SYNE2: variants seen among roughly 807,000 people sequenced by gnomAD.
SYNE2 encodes the protein spectrin repeat containing nuclear envelope protein 2.
A neutral mutation model predicts 856.3 loss-of-function variants in SYNE2; 431 were observed. The observed-to-expected ratio is 0.50, with a 90% CI of 0.47 to 0.55. SYNE2 has a LOEUF of 0.55. Among genes scored for constraint, SYNE2 ranks in the 20% least tolerant of loss-of-function variants. The probability of loss-of-function intolerance (pLI) is 0.00; values close to 1 mark genes in which losing one functional copy is unlikely to be tolerated. For missense variants in SYNE2, 8,129 were observed against 8,023.2 expected (o/e 1.01, Z -0.50); for synonymous variants, 2,923 against 2,872.3 (o/e 1.02, Z -0.56).
Position 64,209,081 on chromosome 14 carries a change from TTA to T in SYNE2, c.18389+138_18389+139del, listed in dbSNP as rs574662747. ...GGTATTGGCAGAGAAGGCCCAACGCTTATCAAAGGATTTATTCAAGAAAAATG... is the reference window on the plus strand; with the variant it reads ...GGTATTGGCAGAGAAGGCCCAACGCTTCAAAGGATTTATTCAAGAAAAATG... On this transcript the variant is annotated intron_variant, in intron 101 of 115. Transcript: ENST00000555002. The T allele has an allele frequency of 2.0e-4, 225 of 1,131,932 alleles. 4 individuals are homozygous for T. The South Asian group carries it at 2.9e-3, about 15-fold the overall frequency. 70.1% of individuals were successfully genotyped at this position (1,131,932 alleles called of 1,614,324 possible).
At chr14:63,922,396 G>A (rs115474084) in intron 2 of SYNE2, among the ~76,000 whole-genome samples, 2,860 of 152,296 alleles carry the variant, frequency 0.019, 89 homozygotes, top group African/African-American at 0.065. Context: ...CTACTTTATT[G>A]GTAGCCCTTA....
intron 12 of SYNE2, among the ~76,000 whole-genome samples, chr14:63,977,418 C>T (rs1386870575): frequency 1.3e-5 from 2 of 152,068 alleles, no homozygotes; most frequent in African/African-American, 4.8e-5. Flanking sequence ...TTCACCGTGT[C>T]AGCCAGGATG....
intron 20 of SYNE2, 52 bp from the exon 21 acceptor site, chr14:63,990,890 A>G: frequency 6.8e-7 from 1 of 1,472,834 alleles, no homozygotes; most frequent in South Asian, 1.1e-5. Flanking sequence ...TAACTTAAGA[A>G]TTTATTAAGA....
chr14:64,209,079 G>C (rs574409538), intron 101 of SYNE2, 134 bp downstream of exon 101: 14 of 1,136,436 alleles, frequency 1.2e-5, no homozygotes, highest in Non-Finnish European at 1.8e-5. Flanking sequence ...AAGGCCCAAC[G>C]CTTATCAAAG....
chr14:63,984,550 A>T (rs1453489762), intron 18 of SYNE2, among the ~76,000 whole-genome samples: 1 of 152,214 alleles, frequency 6.6e-6, no homozygotes, highest in Admixed American at 6.5e-5. Context: ...AAATGGGGGA[A>T]AATATTCTAT....
intron 61 of SYNE2, among the ~76,000 whole-genome samples, chr14:64,094,483 C>T (rs538112722): frequency 6.2e-4 from 94 of 152,118 alleles, no homozygotes; most frequent in Admixed American, 1.8e-3. Context: ...AACAAAAAAA[C>T]GTGATTGTAT....
chr14:64,125,008 TA>T lies in SYNE2; in HGVS notation c.13423-64del, dbSNP rs2097928454. On this transcript the variant is annotated intron_variant, in intron 70 of 115. Coordinates refer to ENST00000555002, the MANE Select transcript of SYNE2 (RefSeq NM_182914.3). ...ACAGAGCAAGACTCCATCTCGAAAA[TA>T]AAAAAATAAATTAATTAACATCAGC... The T allele has an allele frequency of 1.9e-6, 3 of 1,590,824 alleles. No homozygotes were observed. The South Asian group carries it at 3.4e-5, about 18-fold the overall frequency.
At chr14:64,034,183 CAT>C (rs1397764587) in intron 45 of SYNE2, among the ~76,000 whole-genome samples, 2 of 152,112 alleles carry the variant, frequency 1.3e-5, no homozygotes, top group African/African-American at 4.8e-5. Context: ...ACGTAGGACA[CAT>C]AAAGGCACAG....
chr14:63,904,312 A>G (rs1483859971), intron 1 of SYNE2, among the ~76,000 whole-genome samples: 2 of 152,098 alleles, frequency 1.3e-5, no homozygotes, highest in African/African-American at 4.8e-5. Context: ...TGGTAGCATG[A>G]TCTGTTTTCC....
chr14:64,168,374 A>T (rs2098393428), intron 92 of SYNE2, among the ~76,000 whole-genome samples: 1 of 152,208 alleles, frequency 6.6e-6, no homozygotes, highest in Non-Finnish European at 1.5e-5. Context: ...AAGTGCTGGG[A>T]TTACAAAGGA....
rs142798984 is a variant in SYNE2 at position 64,220,458 on chromosome 14, A to G, written c.19882A>G (p.Thr6628Ala). The G allele has an allele frequency of 1.9e-6, 3 of 1,614,130 alleles. No homozygotes were observed. Among genetic ancestry groups the G allele is most frequent in the Non-Finnish European group, 2.5e-6 (3 of 1,180,036 alleles). ...GTAGGAGATACTGAAAGCCTTTGAC[A>G]CTTACAAGGCATTAGTGGTCTCTGT... is the stretch of plus-strand genomic sequence containing the variant. ...RLQEILKAFD[T>A]YKALVVSVNV... The change falls in exon 111 of 116, where the codon ACT (threonine) becomes GCT (alanine). Residue 6628 changes from threonine to alanine, a missense_variant. This residue lies in a region of SYNE2 where 5,410 missense variants were observed against 5,284.8 expected (regional missense o/e 1.02). Transcript: ENST00000555002.
At chr14:64,180,321 C>A (rs1454400435) in intron 96 of SYNE2, among the ~76,000 whole-genome samples, 1 of 152,146 alleles carries the variant, frequency 6.6e-6, no homozygotes, top group African/African-American at 2.4e-5. Flanking sequence ...GGTCTTTGAT[C>A]TTCCGTAACT....
intron 1 of SYNE2, among the ~76,000 whole-genome samples, chr14:63,811,900 G>A (rs1888627060): frequency 6.6e-6 from 1 of 152,078 alleles, no homozygotes; most frequent in Non-Finnish European, 1.5e-5. Flanking sequence ...AGCTTCTAAG[G>A]CCAATAAAGA....
intron 1 of SYNE2, among the ~76,000 whole-genome samples, chr14:63,879,431 A>G (rs2094807216): frequency 6.6e-6 from 1 of 152,196 alleles, no homozygotes; most frequent in Non-Finnish European, 1.5e-5. Context: ...TGGGAGAAGC[A>G]GTCGGAGCCC....
intron 55 of SYNE2, 109 bp downstream of exon 55, chr14:64,078,715 A>G: frequency 7.3e-7 from 1 of 1,363,256 alleles, no homozygotes; most frequent in Non-Finnish European, 1.0e-6. Flanking sequence ...AAGCACAGAA[A>G]TTGTAAACCA....
intron 2 of SYNE2, among the ~76,000 whole-genome samples, chr14:63,909,942 A>G (rs1364960989): frequency 3.9e-5 from 6 of 152,240 alleles, no homozygotes; most frequent in African/African-American, 1.4e-4. Flanking sequence ...TCATGTGTGC[A>G]TGTATATAAG....
At chr14:64,057,055 G>A (rs925324938) in intron 49 of SYNE2, among the ~76,000 whole-genome samples, 6 of 151,436 alleles carry the variant, frequency 4.0e-5, no homozygotes, top group South Asian at 2.1e-4. Flanking sequence ...ATTTTGATAC[G>A]GGTAATCAGT....
intron 1 of SYNE2, among the ~76,000 whole-genome samples, chr14:63,861,046 C>G (rs887062988): frequency 2.6e-5 from 4 of 151,918 alleles, no homozygotes; most frequent in Non-Finnish European, 5.9e-5. Context: ...ATGCTCCAGA[C>G]TGTGAACCAT....
intron 88 of SYNE2, chr14:64,162,595 G>C: frequency 2.5e-6 from 1 of 399,228 alleles, no homozygotes; most frequent in Non-Finnish European, 4.8e-6. Flanking sequence ...AACTGAGTGT[G>C]ACCCTGTAAG....
Sources: allele counts gnomAD v4.1 joint callset (sites outside exome capture counted in the v4.1 genomes callset), GRCh38; gene constraint gnomAD v4.1.1; regional missense constraint gnomAD v4.1.1; transcripts MANE v1.5; gene names NCBI Gene and HGNC (gene_info 2026-07-23, HGNC 2026-07-21).